COL4A3: variants seen among roughly 807,000 people sequenced by gnomAD.
The protein encoded by COL4A3 is collagen alpha-3(IV) chain.
COL4A3 carries 135 observed loss-of-function variants against 217.4 expected under a neutral mutation model. The ratio of observed to expected loss-of-function variants is 0.62; its 90% confidence interval spans 0.54 to 0.72. COL4A3 has a LOEUF of 0.72. Ranked by LOEUF, COL4A3 falls within the 30% of genes least tolerant of loss-of-function variation. COL4A3 has a pLI of 0.00. For missense variants in COL4A3, 1,868 were observed against 2,119.9 expected, an observed-to-expected ratio of 0.88 and a Z score of 2.33; for synonymous variants, 690 against 736.3, an observed-to-expected ratio of 0.94 and a Z score of 1.02.
rs1384943132 is a variant in COL4A3 at position 227,191,001 on chromosome 2, T to C, written c.87+26188T>C. The stretch of plus-strand genomic sequence containing the variant: ...TATCATTAATGTTTTTAGCATCTTC[T>C]TCTAGCACTTCTATTATGTATAGAA... On this transcript the variant is annotated intron_variant, in intron 1 of 51. Coordinates refer to ENST00000396578, the MANE Select transcript of COL4A3 (RefSeq NM_000091.5). The surrounding 1 kb of genome is among the most constrained non-coding windows in gnomAD (Gnocchi z 6.8). 1.3e-5 allele frequency among the ~76,000 whole-genome samples: 2 copies of C among 152,218 alleles called. No individual in the cohort carries two copies. The highest frequency in any genetic ancestry group is 4.8e-5 in the African/African-American group (2 of 41,444).
At chr2:227,289,926 G>A in intron 35 of COL4A3, 73 bp from the exon 36 acceptor site, 1 of 1,449,310 alleles carries the variant, frequency 6.9e-7, no homozygotes, top group Non-Finnish European at 9.6e-7. Flanking sequence ...ATGCATGCAA[G>A]CAACAAGTAT....
intron 43 of COL4A3, among the ~76,000 whole-genome samples, chr2:227,300,712 G>A (rs1030322588): frequency 6.6e-6 from 1 of 152,272 alleles, no homozygotes; most frequent in Non-Finnish European, 1.5e-5. Context: ...ACACAGAGAC[G>A]GCCATTTTCA....
intron 2 of COL4A3, among the ~76,000 whole-genome samples, chr2:227,239,885 C>T (rs187650756): frequency 3.2e-4 from 49 of 152,148 alleles, no homozygotes; most frequent in Admixed American, 5.2e-4. Flanking sequence ...CATAGCCCTA[C>T]CATTTGGGAG....
chr2:227,218,090 A>ATATG (rs2067601547), intron 1 of COL4A3, among the ~76,000 whole-genome samples: 1 of 146,674 alleles, frequency 6.8e-6, no homozygotes, highest in African/African-American at 2.5e-5. Context: ...CTATATATAT[A>ATATG]TATATATATA....
intron 1 of COL4A3, among the ~76,000 whole-genome samples, chr2:227,202,846 C>CATATGTGTATATATACAT: frequency 3.2e-5 from 1 of 31,470 alleles, no homozygotes; most frequent in South Asian, 1.1e-3. Context: ...TGTATATATA[C>CATATGTGTATATATACAT]ATATGTGTAT....
chr2:227,306,632 G>A (rs73996417), intron 47 of COL4A3, among the ~76,000 whole-genome samples: 1 of 152,122 alleles, frequency 6.6e-6, no homozygotes, highest in South Asian at 2.1e-4. Flanking sequence ...GGAGACAAGA[G>A]TGGGCAGAAT....
chr2:227,177,554 C>T (rs1453624323), intron 1 of COL4A3, among the ~76,000 whole-genome samples: 1 of 152,150 alleles, frequency 6.6e-6, no homozygotes, highest in Non-Finnish European at 1.5e-5. Context: ...ACATTTTGAT[C>T]ATTTCCAATT....
chr2:227,240,627 C>A (rs2068968533), intron 3 of COL4A3, among the ~76,000 whole-genome samples: 1 of 148,112 alleles, frequency 6.8e-6, no homozygotes, highest in Admixed American at 6.6e-5. Context: ...GACATTCCAA[C>A]TTTTCTTTTG....
At chr2:227,248,138 C>T (rs573300241) in intron 8 of COL4A3, among the ~76,000 whole-genome samples, 87 of 152,258 alleles carry the variant, frequency 5.7e-4, no homozygotes, top group Non-Finnish European at 1.5e-4. Flanking sequence ...TGGGGTTTTG[C>T]CATGTTGGCC....
At chr2:227,267,596 G>A (rs1485767458) in intron 23 of COL4A3, among the ~76,000 whole-genome samples, 8 of 152,146 alleles carry the variant, frequency 5.3e-5, no homozygotes. Context: ...TTGCAGAAAT[G>A]CAATAAACAA....
rs111578947 is a variant in COL4A3 at position 227,201,746 on chromosome 2, G to T, written c.88-36222G>T. ...ACGAGAGATTTAAAACCATCTATGG[G>T]ACTCAAGCATTGCAACTGTATGTGT... On this transcript the variant is annotated intron_variant, in intron 1 of 51. Transcript: ENST00000396578. 1.2e-3 allele frequency among the ~76,000 whole-genome samples: 185 copies of T among 152,248 alleles called. 1 individual carries two copies. Among genetic ancestry groups the T allele is most frequent in the African/African-American group, 4.1e-3 (172 of 41,542 alleles).
intron 1 of COL4A3, among the ~76,000 whole-genome samples, chr2:227,182,511 G>A (rs938973259): frequency 2.0e-5 from 3 of 152,116 alleles, no homozygotes. Context: ...GGGGATATTT[G>A]TGAATAAAAT....
chr2:227,244,827 G>A (rs200105360), intron 4 of COL4A3, 124 bp from the exon 5 acceptor site: 109 of 988,354 alleles, frequency 1.1e-4, no homozygotes, highest in Non-Finnish European at 1.4e-4. Flanking sequence ...CAATCGTTTC[G>A]AGCTATTCCC....
intron 1 of COL4A3, among the ~76,000 whole-genome samples, chr2:227,178,286 G>T (rs978894224): frequency 1.4e-5 from 2 of 145,944 alleles, no homozygotes; most frequent in African/African-American, 5.0e-5. Flanking sequence ...GGAGGCTGAG[G>T]TGGGAGGATC....
At chr2:227,189,891 T>C (rs919213365) in intron 1 of COL4A3, among the ~76,000 whole-genome samples, 1 of 152,156 alleles carries the variant, frequency 6.6e-6, no homozygotes. Flanking sequence ...CATATACTTC[T>C]CTGTGTTATT....
intron 1 of COL4A3, among the ~76,000 whole-genome samples, chr2:227,228,803 C>T (rs1210486063): frequency 6.6e-6 from 1 of 152,082 alleles, no homozygotes; most frequent in Non-Finnish European, 1.5e-5. Context: ...GTTTACAGTG[C>T]TAGGGGGATA....
At chr2:227,210,659 G>A (rs1296705804) in intron 1 of COL4A3, among the ~76,000 whole-genome samples, 1 of 152,224 alleles carries the variant, frequency 6.6e-6, no homozygotes, top group Non-Finnish European at 1.5e-5. Context: ...AAGCATGCAC[G>A]CAGGTGCACA....
chr2:227,292,374 T>C lies in COL4A3; in HGVS notation c.3211-817T>C, dbSNP rs548752273. Among the ~76,000 whole-genome samples, 11 of 152,354 alleles carry C rather than the reference T, an allele frequency of 7.2e-5. No homozygotes were observed. In the South Asian group the frequency reaches 8.3e-4, roughly 11 times the overall value. ...CCTGAGATTGCTTCCACTGAGATAT[T>C]TGCTCAACGAAAAATCCTATTTGAC... On this transcript the variant is annotated intron_variant, in intron 37 of 51. Transcript: ENST00000396578.
chr2:227,164,843 C>G lies in COL4A3; in HGVS notation c.87+30C>G. On this transcript the variant is annotated intron_variant, in intron 1 of 51. Transcript: ENST00000396578. This position sits in a 1 kb window ranked among gnomAD's most constrained non-coding sequence, Gnocchi z 4.8. The stretch of plus-strand genomic sequence containing the variant: ...GTGGGGGCTGCGCGACCCCCACCCC[C>G]GCACTTCCATCCCTCCTCCACGCGT... 2 of 1,490,332 alleles carry G rather than the reference C, an allele frequency of 1.3e-6. No homozygotes were observed. Among genetic ancestry groups the G allele is most frequent in the Non-Finnish European group, 1.8e-6 (2 of 1,127,338 alleles). The allele number at this position is 1,490,332 out of a possible 1,614,324, so 92.3% of individuals were successfully genotyped here.
Sources: allele counts gnomAD v4.1 joint callset (sites outside exome capture counted in the v4.1 genomes callset), GRCh38; gene constraint gnomAD v4.1.1; non-coding constraint Gnocchi (gnomAD v3.1); transcripts MANE v1.5; gene names NCBI Gene and HGNC (gene_info 2026-07-23, HGNC 2026-07-21).